Variants in NR3C2 observed in about 807,000 individuals in gnomAD.
NR3C2 encodes nuclear receptor subfamily 3 group C member 2.
A neutral mutation model predicts 86.4 loss-of-function variants in NR3C2; 15 were observed. That is an observed-to-expected ratio of 0.17 (90% confidence interval 0.12 to 0.27). NR3C2 has a LOEUF of 0.27. Ranked by LOEUF, NR3C2 falls within the 10% of genes least tolerant of loss-of-function variation. The pLI, the probability that NR3C2 is intolerant of heterozygous loss-of-function variation, is 1.00. For synonymous variants in NR3C2, 458 were observed against 450.5 expected, an observed-to-expected ratio of 1.02 and a Z score of -0.21; for missense variants, 960 against 1,195.6, an observed-to-expected ratio of 0.80 and a Z score of 2.91.
rs117492507 is a variant in NR3C2, at chr4:148,405,781, G to A, written c.1757+29323C>T. 1.6e-4 allele frequency among the ~76,000 whole-genome samples: 25 copies of A among 152,326 alleles called. No individual in the cohort carries two copies. The East Asian group carries it at 4.2e-3, about 26-fold the overall frequency. On this transcript the variant is annotated intron_variant, in intron 2 of 8. Coordinates refer to ENST00000358102, the MANE Select transcript of NR3C2 (RefSeq NM_000901.5). ...GTGGGGGACTCAGAGTCTGTCTGAC[G>A]CACAGGTGCAGTGTCACTGGCCTTG...
At chr4:148,193,338 CA>C (rs1736291713) in intron 4 of NR3C2, among the ~76,000 whole-genome samples, 1 of 152,208 alleles carries the variant, frequency 6.6e-6, no homozygotes, top group South Asian at 2.1e-4. Flanking sequence ...GGGTGTCTCC[CA>C]GGTCCTCCGG....
intron 2 of NR3C2, among the ~76,000 whole-genome samples, chr4:148,333,800 G>A (rs78616282): frequency 0.016 from 2,501 of 152,210 alleles, 63 homozygotes; most frequent in African/African-American, 0.057. Flanking sequence ...GACCCTGCCC[G>A]CTGGACCAGT....
intron 2 of NR3C2, among the ~76,000 whole-genome samples, chr4:148,323,951 TTATA>T (rs1432255039): frequency 6.6e-6 from 1 of 152,178 alleles, no homozygotes; most frequent in Non-Finnish European, 1.5e-5. Flanking sequence ...TTTCTAAGCC[TTATA>T]TAATCTAAAA....
chr4:148,201,024 T>C (rs1183114294), intron 3 of NR3C2: 1 of 152,184 alleles, frequency 6.6e-6, no homozygotes, highest in Non-Finnish European at 1.5e-5. Context: ...CCCTGGTGTT[T>C]CCCTCCATCT....
chr4:148,080,999 G>A lies in NR3C2; in HGVS notation c.*345C>T, dbSNP rs183012834. The stretch of plus-strand genomic sequence containing the variant: ...GTCCTTGAACCCTTTTAAAACAAGC[G>A]AACGATACCAGAAACTACACGGCAT... On this transcript the variant is annotated 3_prime_UTR_variant, in exon 9 of 9. Coordinates refer to ENST00000358102, the MANE Select transcript of NR3C2 (RefSeq NM_000901.5). 1.1e-4 allele frequency: 38 copies of A among 358,464 alleles called. No individual in the cohort carries two copies. Among genetic ancestry groups the A allele is most frequent in the Admixed American group, 1.0e-3 (27 of 26,038 alleles). The allele number at this position is 358,464 out of a possible 1,614,324, so 22.2% of individuals were successfully genotyped here.
chr4:148,210,787 T>C (rs1305956911), intron 3 of NR3C2, among the ~76,000 whole-genome samples: 1 of 152,252 alleles, frequency 6.6e-6, no homozygotes, highest in East Asian at 1.9e-4. Flanking sequence ...ATTATTACAC[T>C]AATATGTTAA....
rs1750052123 is a variant in NR3C2 at position 148,436,121 on chromosome 4, C to A, written c.740G>T (p.Arg247Met). The A allele has an allele frequency of 6.2e-7, 1 of 1,614,004 alleles. No individual in the cohort carries two copies. Among genetic ancestry groups the A allele is most frequent in the African/African-American group, 1.3e-5 (1 of 74,890 alleles). The change falls in exon 2 of 9, where the codon AGG (arginine) becomes ATG (methionine). Residue 247 changes from arginine (R) to methionine (M), a missense_variant. Arg to Met is a moderately conservative substitution (Grantham distance 91). This residue lies in a region of NR3C2 where 680 missense variants were observed against 719.0 expected (regional missense o/e 0.95). Coordinates refer to ENST00000358102, the MANE Select transcript of NR3C2 (RefSeq NM_000901.5). Reference sequence around the variant, plus strand: ...GCTAGCATGTGCAGGGCTGTGCGACCTGGAGCCTCGATTTTCAACATTAGG... The same window carrying A: ...GCTAGCATGTGCAGGGCTGTGCGACATGGAGCCTCGATTTTCAACATTAGG... ...CSPNVENRGS[R>M]SHSPAHASNV...
At chr4:148,304,548 T>C (rs1227208991) in intron 2 of NR3C2, among the ~76,000 whole-genome samples, 1 of 152,116 alleles carries the variant, frequency 6.6e-6, no homozygotes, top group African/African-American at 2.4e-5. Flanking sequence ...GACCCTTAGA[T>C]AGGCCTTTCA....
Position 148,435,312 on chromosome 4 carries a change from T to A in NR3C2, c.1549A>T (p.Asn517Tyr), listed in dbSNP as rs769273513. The change falls in exon 2 of 9, where the codon AAT becomes TAT. Residue 517 changes from asparagine (N) to tyrosine (Y), a missense_variant. Around this residue, in one of 4 missense-constraint regions of NR3C2, gnomAD observed 680 missense variants for 719.0 expected, o/e 0.95. Coordinates refer to ENST00000358102, the MANE Select transcript of NR3C2 (RefSeq NM_000901.5). ...TAGTGGAAGGACTGTCCACCTGAAT[T>A]CACCCCAACAATAGCAGAGGAAGGG... The part of the protein sequence containing the change: ...SIPSSAIVGV[N>Y]SGGQSFHYRI... The A allele has an allele frequency of 6.2e-7, 1 of 1,614,130 alleles. No homozygotes were observed. Among genetic ancestry groups the A allele is most frequent in the South Asian group, 1.1e-5 (1 of 91,078 alleles).
chr4:148,114,879 A>G (rs1732202462), intron 7 of NR3C2, among the ~76,000 whole-genome samples: 1 of 152,242 alleles, frequency 6.6e-6, no homozygotes, highest in Admixed American at 6.5e-5. Context: ...AGGACGCTGC[A>G]TACAAAGAAG....
intron 3 of NR3C2, chr4:148,201,236 C>T (rs1736704977): frequency 6.6e-6 from 1 of 152,176 alleles, no homozygotes; most frequent in Non-Finnish European, 1.5e-5. Flanking sequence ...CAAGTCCGAG[C>T]TCTTATAAGC....
chr4:148,288,808 G>A (rs917732314), intron 2 of NR3C2, among the ~76,000 whole-genome samples: 1 of 152,134 alleles, frequency 6.6e-6, no homozygotes, highest in Non-Finnish European at 1.5e-5. Context: ...GCCCAAATCA[G>A]AGCAGCTGTC....
At chr4:148,204,000 T>C (rs767554649) in intron 3 of NR3C2, among the ~76,000 whole-genome samples, 7 of 152,338 alleles carry the variant, frequency 4.6e-5, no homozygotes, top group Non-Finnish European at 8.8e-5. Flanking sequence ...CATTATTTTT[T>C]TTTCCTGTGG....
intron 2 of NR3C2, among the ~76,000 whole-genome samples, chr4:148,285,111 T>G (rs1271470554): frequency 6.6e-6 from 1 of 152,214 alleles, no homozygotes; most frequent in African/African-American, 2.4e-5. Context: ...CTGAGGGTCC[T>G]ACCCTACAAC....
upstream of NR3C2, chr4:148,442,846 CTTCT>C (rs1189881204): frequency 1.0e-6 from 1 of 985,310 alleles, no homozygotes; most frequent in Non-Finnish European, 1.2e-6. Flanking sequence ...CCCTGCTCTC[CTTCT>C]GACCGACCCC....
intron 2 of NR3C2, among the ~76,000 whole-genome samples, chr4:148,398,410 C>T (rs1421603785): frequency 6.6e-6 from 1 of 151,954 alleles, no homozygotes; most frequent in Admixed American, 6.6e-5. Flanking sequence ...ATCAGTGTAC[C>T]CTTAAAGTAT....
intron 8 of NR3C2, among the ~76,000 whole-genome samples, chr4:148,097,311 C>T (rs1187352361): frequency 6.6e-6 from 1 of 152,150 alleles, no homozygotes; most frequent in Non-Finnish European, 1.5e-5. Context: ...TACATATATT[C>T]ACAGTCGATC....
chr4:148,196,631 A>G (rs1160432202), intron 3 of NR3C2, among the ~76,000 whole-genome samples: 1 of 152,242 alleles, frequency 6.6e-6, no homozygotes, highest in Non-Finnish European at 1.5e-5. Flanking sequence ...CAATAAAAAT[A>G]ATGTGCATCA....
chr4:148,304,352 T>A (rs199926787), intron 2 of NR3C2, among the ~76,000 whole-genome samples: 167 of 130,048 alleles, frequency 1.3e-3, no homozygotes, highest in African/African-American at 2.0e-3. Flanking sequence ...TTTTTTTTTT[T>A]AACCAGTTGG....
Sources: allele counts gnomAD v4.1 joint callset (sites outside exome capture counted in the v4.1 genomes callset), GRCh38; gene constraint gnomAD v4.1.1; regional missense constraint gnomAD v4.1.1; transcripts MANE v1.5; gene names NCBI Gene and HGNC (gene_info 2026-07-23, HGNC 2026-07-21).